Variants in GPR137B observed in about 807,000 individuals in gnomAD.
GPR137B encodes G protein-coupled receptor 137B.
GPR137B carries 42 observed loss-of-function variants against 42.5 expected under a neutral mutation model. The observed-to-expected ratio is 0.99, with a 90% confidence interval of 0.77 to 1.28. GPR137B has a LOEUF of 1.28. Ranked by LOEUF, GPR137B falls within the 50% of genes most tolerant of loss-of-function variation. The pLI, the probability that GPR137B is intolerant of heterozygous loss-of-function variation, is 0.00. For missense variants in GPR137B, 487 were observed against 493.9 expected, an observed-to-expected ratio of 0.99 and a Z score of 0.13; for synonymous variants, 218 against 209.7, an observed-to-expected ratio of 1.04 and a Z score of -0.34.
intron 5 of GPR137B, among the ~76,000 whole-genome samples, chr1:236,197,726 T>C (rs1396737065): frequency 6.6e-6 from 1 of 152,192 alleles, no homozygotes; most frequent in Non-Finnish European, 1.5e-5. Flanking sequence ...GGGTTCTCTA[T>C]TCTGTTCCAT....
chr1:236,174,987 C>A (rs942962885), intron 2 of GPR137B, among the ~76,000 whole-genome samples: 1 of 152,108 alleles, frequency 6.6e-6, no homozygotes, highest in South Asian at 2.1e-4. Flanking sequence ...TGAACTCAGT[C>A]ATACAAAAGT....
At chr1:236,161,254 A>G (rs1662185652) in intron 1 of GPR137B, among the ~76,000 whole-genome samples, 2 of 151,928 alleles carry the variant, frequency 1.3e-5, no homozygotes, top group Non-Finnish European at 1.5e-5. Context: ...GCTCCCCCGA[A>G]GCTCTCCGCA....
intron 5 of GPR137B, among the ~76,000 whole-genome samples, chr1:236,199,403 T>C (rs1004888446): frequency 6.6e-6 from 1 of 152,198 alleles, no homozygotes; most frequent in Admixed American, 6.5e-5. Flanking sequence ...ACTGGTTTCA[T>C]AGAATGATTT....
intron 5 of GPR137B, among the ~76,000 whole-genome samples, chr1:236,188,398 C>T (rs944305170): frequency 2.6e-5 from 4 of 152,062 alleles, no homozygotes; most frequent in Admixed American, 6.6e-5. Flanking sequence ...TTGCCTTGTG[C>T]GGGTTTTCAA....
At chr1:236,173,400 A>G (rs371219797) in intron 2 of GPR137B, among the ~76,000 whole-genome samples, 2 of 102,708 alleles carry the variant, frequency 1.9e-5, no homozygotes, top group African/African-American at 1.0e-4. Flanking sequence ...CAGGTAGGGA[A>G]AGAGAGAGAG....
chr1:236,189,946 C>T (rs144654907), intron 5 of GPR137B, among the ~76,000 whole-genome samples: 2,636 of 152,188 alleles, frequency 0.017, 26 homozygotes, highest in South Asian at 0.033. Context: ...GTGTGGGGGT[C>T]TAAGTGTCTT....
chr1:236,161,041 C>T (rs1662176985), intron 1 of GPR137B, among the ~76,000 whole-genome samples: 1 of 152,042 alleles, frequency 6.6e-6, no homozygotes, highest in Non-Finnish European at 1.5e-5. Flanking sequence ...CTTTTCCATC[C>T]CAGAAGGAAC....
chr1:236,184,125 T>C (rs1203115340), intron 5 of GPR137B, among the ~76,000 whole-genome samples: 1 of 152,224 alleles, frequency 6.6e-6, no homozygotes, highest in Non-Finnish European at 1.5e-5. Flanking sequence ...ATGAAACTAT[T>C]ATAAGTTGCA....
At position 236,205,132 on chromosome 1, in the gene GPR137B, C is replaced by T; in HGVS notation, c.973C>T (p.Pro325Ser). 6.2e-7 allele frequency: 1 copy of T among 1,612,518 alleles called. No homozygotes were observed. Among genetic ancestry groups the T allele is most frequent in the East Asian group, 2.2e-5 (1 of 44,854 alleles). ...TGATTACCTGTCTTTCTAGACCAAC[C>T]CTGGAATGGTCCCCAGCCATGGATT... The part of the protein sequence containing the change: ...VRNPTKDLTN[P>S]GMVPSHGFSP... The change falls in exon 6 of 7, where the codon CCT (proline) becomes TCT (serine). Residue 325 changes from proline to serine, a missense_variant. Pro to Ser is a moderately conservative substitution (Grantham distance 74). Coordinates refer to ENST00000366592, the MANE Select transcript of GPR137B (RefSeq NM_003272.4).
chr1:236,192,010 CAG>C (rs1663204309), intron 5 of GPR137B, among the ~76,000 whole-genome samples: 1 of 152,104 alleles, frequency 6.6e-6, no homozygotes, highest in African/African-American at 2.4e-5. Flanking sequence ...GCCTTTTTTT[CAG>C]AGATGCCCTG....
At chr1:236,195,561 A>G (rs540499328) in intron 5 of GPR137B, among the ~76,000 whole-genome samples, 1 of 152,300 alleles carries the variant, frequency 6.6e-6, no homozygotes, top group African/African-American at 2.4e-5. Flanking sequence ...CAGTGCTGCA[A>G]CAAACACAGG....
intron 1 of GPR137B, among the ~76,000 whole-genome samples, chr1:236,151,713 C>T (rs184245903): frequency 2.0e-5 from 3 of 152,218 alleles, no homozygotes; most frequent in East Asian, 1.9e-4. Flanking sequence ...TGAGCCACTG[C>T]GCCCGGCCTC....
intron 5 of GPR137B, among the ~76,000 whole-genome samples, chr1:236,191,104 CAT>C (rs1663179213): frequency 6.6e-6 from 1 of 152,036 alleles, no homozygotes. Context: ...TCTTCAATCT[CAT>C]ATCCTTTCTT....
In GPR137B at chr1:236,208,449, A is replaced by C; in HGVS notation, c.*291A>C. ...AACTTAAATAATAATGCTAAAGTAT[A>C]CTAGGGTTTTTTTTTCTTGAGAATG... On this transcript the variant is annotated 3_prime_UTR_variant, in exon 7 of 7. Coordinates refer to ENST00000366592, the MANE Select transcript of GPR137B (RefSeq NM_003272.4). 3 of 908,852 alleles carry C rather than the reference A, an allele frequency of 3.3e-6. No homozygotes were observed. Among genetic ancestry groups the C allele is most frequent in the Non-Finnish European group, 4.1e-6 (3 of 729,356 alleles). 56.3% of individuals were successfully genotyped at this position (908,852 alleles called of 1,614,324 possible).
intron 4 of GPR137B, 118 bp from the exon 5 acceptor site, chr1:236,183,660 A>T: frequency 1.6e-6 from 1 of 639,504 alleles, no homozygotes; most frequent in Non-Finnish European, 2.7e-6. Context: ...ATTCTAAAAT[A>T]TAGGGGAATG....
intron 6 of GPR137B, among the ~76,000 whole-genome samples, chr1:236,205,536 T>TAATC (rs1289874673): frequency 1.3e-5 from 2 of 152,264 alleles, no homozygotes; most frequent in Non-Finnish European, 2.9e-5. Flanking sequence ...AAGGAAATGA[T>TAATC]AATCAACTTT....
At position 236,186,247 on chromosome 1, in the gene GPR137B, A is replaced by AACATATAATATATATTATATATT. The variant is rs1290706261; in HGVS notation, c.966+2342_966+2343insCATATAATATATATTATATATTA. 2.5e-3 allele frequency among the ~76,000 whole-genome samples: 85 copies of AACATATAATATATATTATATATT among 34,180 alleles called. 4 individuals carry two copies. Among genetic ancestry groups the AACATATAATATATATTATATATT allele is most frequent in the Non-Finnish European group, 4.3e-3 (73 of 16,810 alleles). The allele number at this position is 34,180 out of a possible 152,430, so 22.4% of individuals were successfully genotyped here. A position where few individuals can be genotyped will look rare whatever the true frequency, so the allele number is the denominator to read the frequency against. Reference sequence around the variant, plus strand: ...TAATATAATATATAATAATATAAATAATATATAATATATATTATATATTAT... The same window carrying AACATATAATATATATTATATATT: ...TAATATAATATATAATAATATAAATAACATATAATATATATTATATATTATATATAATATATATTATATATTAT... On this transcript the variant is annotated intron_variant, in intron 5 of 6. Transcript: ENST00000366592.
In GPR137B at chr1:236,205,172, A is replaced by G. The variant is rs1341467085; in HGVS notation, c.1013A>G (p.Tyr338Cys). The G allele has an allele frequency of 1.9e-6, 3 of 1,613,128 alleles. No homozygotes were observed. Among genetic ancestry groups the G allele is most frequent in the African/African-American group, 2.7e-5 (2 of 74,902 alleles). Reference sequence around the variant, plus strand: ...AGCCATGGATTCAGTCCCAGATCTTATTTCTTTGACAACCCTCGAAGATAT... The same window carrying G: ...AGCCATGGATTCAGTCCCAGATCTTGTTTCTTTGACAACCCTCGAAGATAT... ...VPSHGFSPRS[Y>C]FFDNPRRYDS... The change falls in exon 6 of 7, where the codon TAT (tyrosine) becomes TGT (cysteine). Residue 338 changes from tyrosine to cysteine, a missense_variant. Coordinates refer to ENST00000366592, the MANE Select transcript of GPR137B (RefSeq NM_003272.4).
rs1305783876 is a variant in GPR137B at position 236,150,111 on chromosome 1, A to G, written c.414+7075A>G. On this transcript the variant is annotated intron_variant, in intron 1 of 6. Coordinates refer to ENST00000366592, the MANE Select transcript of GPR137B (RefSeq NM_003272.4). This position sits in a 1 kb window ranked among gnomAD's most constrained non-coding sequence, Gnocchi z 6.2. ...TGCATGTGTGTGTCTGTGCCTGTGT[A>G]TGTCTGTGCCTGCGTGTGCCTGTGT... Among the ~76,000 whole-genome samples the G allele has an allele frequency of 2.4e-5, 3 of 123,882 alleles. No homozygotes were observed. The highest frequency in any genetic ancestry group is 2.6e-4 in the South Asian group (1 of 3,888). 81.3% of individuals were successfully genotyped at this position (123,882 alleles called of 152,430 possible). A position where few individuals can be genotyped will look rare whatever the true frequency, so the allele number is the denominator to read the frequency against.
Sources: gnomAD v4.1 joint callset for allele counts (sites outside exome capture counted in the v4.1 genomes callset) on GRCh38, gnomAD v4.1.1 for gene constraint, Gnocchi (gnomAD v3.1) non-coding constraint, MANE v1.5 for transcripts, NCBI Gene and HGNC (gene_info 2026-07-23, HGNC 2026-07-21) for gene names.